Variants in ENTREP2 observed in about 807,000 individuals in gnomAD.
The protein encoded by ENTREP2 is protein ENTREP2.
At chr15:29,137,136 A>G in the ENTREP2 span, 1 of 1,477,574 alleles carries the variant, frequency 6.8e-7, no homozygotes, top group Non-Finnish European at 8.9e-7. Flanking sequence ...CTGGTGGAGA[A>G]CGGTGCCGTG....
chr15:29,130,348 C>A, the ENTREP2 span, among the ~76,000 whole-genome samples: 13 of 152,190 alleles, frequency 8.5e-5, no homozygotes, highest in Admixed American at 8.5e-4. Flanking sequence ...TCACTGAAGT[C>A]ATTATGTGCC....
chr15:29,509,917 C>G, the ENTREP2 span, among the ~76,000 whole-genome samples: 1 of 152,154 alleles, frequency 6.6e-6, no homozygotes, highest in Non-Finnish European at 1.5e-5. Context: ...TCTAATTAAA[C>G]TAAAGAGCTT....
the ENTREP2 span, among the ~76,000 whole-genome samples, chr15:29,456,677 C>T: frequency 2.4e-4 from 36 of 152,232 alleles, no homozygotes; most frequent in South Asian, 4.1e-3. Context: ...TATGTATAAA[C>T]CAAGATGAAC....
chr15:29,487,045 A>G, the ENTREP2 span, among the ~76,000 whole-genome samples: 1 of 152,188 alleles, frequency 6.6e-6, no homozygotes, highest in Admixed American at 6.5e-5. Context: ...AGGATTTTCA[A>G]TGTTCACAAC....
At chr15:29,228,059 T>C in the ENTREP2 span, among the ~76,000 whole-genome samples, 53,886 of 151,942 alleles carry the variant, frequency 0.35, 10,358 homozygotes, top group East Asian at 0.6. Flanking sequence ...GTGCCGGGCA[T>C]GGTGGCTCAC....
At chr15:29,460,015 G>A in the ENTREP2 span, among the ~76,000 whole-genome samples, 5 of 152,174 alleles carry the variant, frequency 3.3e-5, no homozygotes, top group Non-Finnish European at 5.9e-5. Context: ...TGGAGGCCAA[G>A]ACAGGAGGGT....
the ENTREP2 span, among the ~76,000 whole-genome samples, chr15:29,599,453 C>T: frequency 6.6e-6 from 1 of 152,188 alleles, no homozygotes; most frequent in Non-Finnish European, 1.5e-5. Context: ...ATTTGATTCT[C>T]ACAGTTGATA....
the ENTREP2 span, among the ~76,000 whole-genome samples, chr15:29,403,654 T>C: frequency 3.9e-5 from 6 of 152,194 alleles, no homozygotes. Context: ...ACTAATGTCA[T>C]AAACCGCACA....
chr15:29,385,185 G>C, the ENTREP2 span, among the ~76,000 whole-genome samples: 6 of 152,162 alleles, frequency 3.9e-5, no homozygotes, highest in Admixed American at 3.3e-4. Context: ...CAGTGACTAA[G>C]TCGCTTGTAG....
chr15:29,316,327 G>C, the ENTREP2 span, among the ~76,000 whole-genome samples: 2 of 151,890 alleles, frequency 1.3e-5, no homozygotes, highest in African/African-American at 4.8e-5. Flanking sequence ...TGCTCACTGG[G>C]GCCAGCAAGG....
At chr15:29,251,788 A>G in the ENTREP2 span, among the ~76,000 whole-genome samples, 1 of 88,036 alleles carries the variant, frequency 1.1e-5, no homozygotes, top group Admixed American at 1.4e-4. Context: ...CGCTAGTTTT[A>G]GTGTATTTTA....
At chr15:29,635,887 T>C in the ENTREP2 span, among the ~76,000 whole-genome samples, 1 of 152,244 alleles carries the variant, frequency 6.6e-6, no homozygotes, top group Non-Finnish European at 1.5e-5. Context: ...TCGTCGATAC[T>C]GGGACCTCTT....
At chr15:29,581,249 CT>C in the ENTREP2 span, among the ~76,000 whole-genome samples, 1 of 152,138 alleles carries the variant, frequency 6.6e-6, no homozygotes, top group Admixed American at 6.5e-5. Flanking sequence ...TGTAGAAATC[CT>C]TTTTCTACTC....
chr15:29,563,050 C>T, the ENTREP2 span, among the ~76,000 whole-genome samples: 16 of 152,296 alleles, frequency 1.1e-4, no homozygotes, highest in African/African-American at 3.8e-4. Flanking sequence ...GTCAGCCTCC[C>T]AAAGTGCTGA....
the ENTREP2 span, among the ~76,000 whole-genome samples, chr15:29,182,165 C>T: frequency 1.3e-5 from 2 of 150,124 alleles, no homozygotes; most frequent in African/African-American, 4.9e-5. Flanking sequence ...CACTTTTTCA[C>T]CCAGGCCAGA....
At chr15:29,237,985 G>C in the ENTREP2 span, among the ~76,000 whole-genome samples, 1 of 152,188 alleles carries the variant, frequency 6.6e-6, no homozygotes, top group East Asian at 1.9e-4. Context: ...TAAACAAAAT[G>C]TGCTTAATCC....
At chr15:29,589,278 G>A in the ENTREP2 span, among the ~76,000 whole-genome samples, 3 of 152,238 alleles carry the variant, frequency 2.0e-5, no homozygotes, top group South Asian at 6.2e-4. Flanking sequence ...TTCTGTGTCT[G>A]TTTTGTCTTT....
At chr15:29,137,195 C>A in the ENTREP2 span, 1 of 1,475,226 alleles carries the variant, frequency 6.8e-7, no homozygotes, top group Admixed American at 3.0e-5. Context: ...GCGGAAGGAA[C>A]TGGAAAACAG....
chr15:29,627,540 TAAA>T, the ENTREP2 span, among the ~76,000 whole-genome samples: 23 of 120,184 alleles, frequency 1.9e-4, no homozygotes, highest in South Asian at 1.9e-3. Flanking sequence ...AGACTCCATC[TAAA>T]AAAAAAAAAA....
Sources: gnomAD v4.1 joint callset for allele counts (sites outside exome capture counted in the v4.1 genomes callset) on GRCh38, gnomAD v4.1.1 for gene constraint, MANE v1.5 for transcripts, NCBI Gene and HGNC (gene_info 2026-07-23, HGNC 2026-07-21) for gene names.